Variants in SLC26A7 observed in about 807,000 individuals in gnomAD.
The protein encoded by SLC26A7 is solute carrier family 26 member 7.
In SLC26A7, 59 loss-of-function variants were observed where a neutral mutation model predicts 82.5. That is an observed-to-expected ratio of 0.72 (90% CI 0.58 to 0.89). The LOEUF (loss-of-function observed/expected upper bound fraction) is 0.89, where lower values mean the gene tolerates loss of function less well. SLC26A7 is among the 40% of genes least tolerant of loss of function. The pLI, the probability that SLC26A7 is intolerant of heterozygous loss-of-function variation, is 0.00. For missense variants in SLC26A7, 820 were observed against 793.0 expected (o/e 1.03, Z -0.41); for synonymous variants, 271 against 274.3 (o/e 0.99, Z 0.12).
intron 16 of SLC26A7, among the ~76,000 whole-genome samples, chr8:91,390,508 T>C (rs1359382228): frequency 1.3e-5 from 2 of 152,146 alleles, no homozygotes; most frequent in Non-Finnish European, 2.9e-5. Context: ...GTGGGACGTC[T>C]TGAGGGTGGG....
intron 3 of SLC26A7, among the ~76,000 whole-genome samples, chr8:91,292,676 A>T (rs1421641872): frequency 2.0e-5 from 3 of 152,194 alleles, no homozygotes; most frequent in Non-Finnish European, 4.4e-5. Flanking sequence ...GTATAAAGAC[A>T]TGAAACATGC....
intron 4 of SLC26A7, among the ~76,000 whole-genome samples, chr8:91,300,920 T>A (rs1326554055): frequency 2.9e-5 from 4 of 140,228 alleles, no homozygotes; most frequent in Non-Finnish European, 6.0e-5. Flanking sequence ...AATTATAAAT[T>A]GTGTCCTATT....
intron 5 of SLC26A7, among the ~76,000 whole-genome samples, chr8:91,322,044 A>G (rs1812804091): frequency 6.6e-6 from 1 of 152,128 alleles, no homozygotes; most frequent in Admixed American, 6.6e-5. Flanking sequence ...AAAATTATGC[A>G]TTTTTTAAGT....
intron 4 of SLC26A7, among the ~76,000 whole-genome samples, chr8:91,298,769 C>T (rs187847958): frequency 2.6e-3 from 395 of 152,244 alleles, no homozygotes; most frequent in Admixed American, 4.6e-3. Context: ...CTTCCCTTCC[C>T]TAATGCTGCT....
At chr8:91,307,470 T>TA (rs1299545230) in intron 4 of SLC26A7, among the ~76,000 whole-genome samples, 2 of 144,728 alleles carry the variant, frequency 1.4e-5, no homozygotes, top group East Asian at 4.0e-4. Flanking sequence ...TATGCAGCCA[T>TA]AAAAAATGAT....
intron 2 of SLC26A7, among the ~76,000 whole-genome samples, chr8:91,275,262 A>C (rs1811376847): frequency 6.6e-6 from 1 of 152,188 alleles, no homozygotes; most frequent in South Asian, 2.1e-4. Context: ...GTCTCTGGGC[A>C]TGTAGCCAGC....
At chr8:91,260,801 A>T (rs1252299671) in intron 2 of SLC26A7, among the ~76,000 whole-genome samples, 1 of 152,074 alleles carries the variant, frequency 6.6e-6, no homozygotes, top group Non-Finnish European at 1.5e-5. Flanking sequence ...AAGTCACAGG[A>T]GGAAGGTATG....
intron 2 of SLC26A7, among the ~76,000 whole-genome samples, chr8:91,239,969 ATTATC>A (rs1292841006): frequency 6.6e-6 from 1 of 152,222 alleles, no homozygotes; most frequent in African/African-American, 2.4e-5. Flanking sequence ...CATTATCCAA[ATTATC>A]TTAGCAACTA....
rs989006105 is a variant in SLC26A7, at chr8:91,318,937, G to A, written c.642+557G>A. Among the ~76,000 whole-genome samples, 7 of 152,244 alleles carry A rather than the reference G, an allele frequency of 4.6e-5. No individual in the cohort carries two copies. In the South Asian group the frequency reaches 1.0e-3, roughly 23 times the overall value. ...CGAAGTGGACCTAAAATCTATAACC[G>A]CTCAAGAACTCAGATCCTATTAGAG... is the stretch of plus-strand genomic sequence containing the variant. On this transcript the variant is annotated intron_variant, in intron 5 of 18. Coordinates refer to ENST00000276609, the MANE Select transcript of SLC26A7 (RefSeq NM_052832.4).
At chr8:91,394,813 C>A (rs1808524649) in intron 18 of SLC26A7, 3 of 884,238 alleles carry the variant, frequency 3.4e-6, no homozygotes, top group African/African-American at 3.4e-5. Flanking sequence ...GATAATTTAA[C>A]CCATTTTTAG....
At chr8:91,225,537 T>G (rs1810221858) in intron 2 of SLC26A7, among the ~76,000 whole-genome samples, 1 of 149,938 alleles carries the variant, frequency 6.7e-6, no homozygotes, top group African/African-American at 2.5e-5. Flanking sequence ...TGGTTGCCGG[T>G]GAAGGATTCA....
chr8:91,378,705 A>T (rs1814587569), intron 15 of SLC26A7, among the ~76,000 whole-genome samples: 1 of 151,702 alleles, frequency 6.6e-6, no homozygotes, highest in African/African-American at 2.4e-5. Context: ...TCATGACCAT[A>T]CACTGGGTCA....
chr8:91,302,818 C>CTTTT lies in SLC26A7; in HGVS notation c.477+7128_477+7131dup, dbSNP rs11333572. Among the ~76,000 whole-genome samples, 159 of 129,614 alleles carry CTTTT rather than the reference C, an allele frequency of 1.2e-3. 1 individual carries two copies. The highest frequency in any genetic ancestry group is 4.5e-3 in the African/African-American group (154 of 34,366). The allele number at this position is 129,614 out of a possible 152,430, so 85.0% of individuals were successfully genotyped here. On this transcript the variant is annotated intron_variant, in intron 4 of 18. Transcript: ENST00000276609. ...TGAATGTAATGTCCCTTCCCCTTCT[C>CTTTT]TTTTTTTTTTTTTTTTGGTCTGGTT...
chr8:91,394,611 G>C (rs138959010), intron 18 of SLC26A7: 548 of 1,157,892 alleles, frequency 4.7e-4, no homozygotes, highest in Non-Finnish European at 5.6e-4. Context: ...CTCACCCCTA[G>C]AATAACATTT....
At chr8:91,336,753 G>A (rs532600528) in intron 6 of SLC26A7, among the ~76,000 whole-genome samples, 9 of 152,004 alleles carry the variant, frequency 5.9e-5, no homozygotes, top group Admixed American at 3.9e-4. Flanking sequence ...CAGGGAGGAG[G>A]TAAAACACTG....
chr8:91,359,507 A>G (rs1402934948), intron 11 of SLC26A7, among the ~76,000 whole-genome samples: 3 of 152,194 alleles, frequency 2.0e-5, no homozygotes, highest in Non-Finnish European at 4.4e-5. Flanking sequence ...CTTAGACGTG[A>G]TAGTTGAATA....
intron 2 of SLC26A7, among the ~76,000 whole-genome samples, chr8:91,240,723 T>A (rs1247127156): frequency 6.6e-6 from 1 of 152,122 alleles, no homozygotes; most frequent in Non-Finnish European, 1.5e-5. Context: ...AGGTTTTCAG[T>A]TGTGGAATGA....
chr8:91,211,322 AGT>A (rs1489633845), intron 1 of SLC26A7, among the ~76,000 whole-genome samples: 2 of 152,114 alleles, frequency 1.3e-5, no homozygotes, highest in South Asian at 2.1e-4. Flanking sequence ...AATTAGAATA[AGT>A]GTATACAGCT....
At chr8:91,352,488 T>C (rs879260514) in intron 10 of SLC26A7, among the ~76,000 whole-genome samples, 6 of 152,114 alleles carry the variant, frequency 3.9e-5, no homozygotes, top group Non-Finnish European at 8.8e-5. Flanking sequence ...GTTATAAATA[T>C]CTTCAGGTGA....
Sources: gnomAD v4.1 joint callset for allele counts (sites outside exome capture counted in the v4.1 genomes callset) on GRCh38, gnomAD v4.1.1 for gene constraint, MANE v1.5 for transcripts, NCBI Gene and HGNC (gene_info 2026-07-23, HGNC 2026-07-21) for gene names.